Variants in CACNA1E observed in about 807,000 individuals in gnomAD.
CACNA1E encodes calcium voltage-gated channel subunit alpha1 E, also known as voltage-dependent R-type calcium channel subunit alpha-1E.
Under a neutral mutation model 259.2 loss-of-function variants are expected in CACNA1E, and 40 were observed. The ratio of observed to expected loss-of-function variants is 0.15; its 90% CI spans 0.12 to 0.20. The LOEUF is 0.20. CACNA1E is among the 10% of genes least tolerant of loss of function. CACNA1E has a pLI of 1.00. For synonymous variants in CACNA1E, 1,104 were observed against 1,138.5 expected (o/e 0.97, Z 0.61); for missense variants, 1,874 against 3,040.1 (o/e 0.62, Z 9.02).
chr1:181,653,311 T>C (rs1558230720), intron 7 of CACNA1E, among the ~76,000 whole-genome samples: 1 of 152,024 alleles, frequency 6.6e-6, no homozygotes, highest in Non-Finnish European at 1.5e-5. Flanking sequence ...AATTGAATCA[T>C]GGAGGTGGGT....
intron 7 of CACNA1E, among the ~76,000 whole-genome samples, chr1:181,710,575 AT>A (rs139709489): frequency 0.13 from 19,672 of 152,240 alleles, 1,350 homozygotes; most frequent in Admixed American, 0.19. Flanking sequence ...GTTAATCACT[AT>A]TGTTATCAAA....
At chr1:181,663,331 G>T (rs1296969064) in intron 7 of CACNA1E, among the ~76,000 whole-genome samples, 1 of 152,192 alleles carries the variant, frequency 6.6e-6, no homozygotes, top group Non-Finnish European at 1.5e-5. Flanking sequence ...GAGTGGCTAA[G>T]AGTCTTGCCT....
intron 21 of CACNA1E, among the ~76,000 whole-genome samples, chr1:181,735,418 G>T (rs964126029): frequency 6.6e-6 from 1 of 152,208 alleles, no homozygotes; most frequent in Admixed American, 6.5e-5. Flanking sequence ...GACCACCGAG[G>T]TCCACTGCTG....
intron 1 of CACNA1E, among the ~76,000 whole-genome samples, chr1:181,374,491 A>G (rs1654954948): frequency 6.6e-6 from 1 of 150,916 alleles, no homozygotes; most frequent in Admixed American, 6.6e-5. Context: ...GAGACAGGTT[A>G]TTGTTCTGTC....
intron 6 of CACNA1E, among the ~76,000 whole-genome samples, chr1:181,587,935 A>G (rs1288736577): frequency 6.6e-6 from 1 of 152,242 alleles, no homozygotes; most frequent in Non-Finnish European, 1.5e-5. Flanking sequence ...TCTGCTGGAC[A>G]AATTCAGTCT....
chr1:181,457,030 G>C (rs146584523), intron 2 of CACNA1E, among the ~76,000 whole-genome samples: 1 of 152,354 alleles, frequency 6.6e-6, no homozygotes, highest in African/African-American at 2.4e-5. Context: ...GTCTTAGTCT[G>C]TGAGCCTCTA....
chr1:181,497,936 G>A (rs1664909033), intron 1 of CACNA1E, among the ~76,000 whole-genome samples: 1 of 152,184 alleles, frequency 6.6e-6, no homozygotes, highest in Non-Finnish European at 1.5e-5. Flanking sequence ...ATGCGAGCTT[G>A]AGTCGGAATC....
chr1:181,502,870 T>C (rs1403898849), intron 1 of CACNA1E, among the ~76,000 whole-genome samples: 1 of 152,146 alleles, frequency 6.6e-6, no homozygotes, highest in African/African-American at 2.4e-5. Flanking sequence ...GGCTAATTTT[T>C]GTATTAATTG....
At chr1:181,743,188 G>GGA (rs548140015) in intron 25 of CACNA1E, among the ~76,000 whole-genome samples, 329 of 152,306 alleles carry the variant, frequency 2.2e-3, no homozygotes, top group African/African-American at 7.4e-3. Context: ...TGGGCCACAT[G>GGA]GAGACAGAGT....
intron 1 of CACNA1E, among the ~76,000 whole-genome samples, chr1:181,507,366 G>T (rs1002372825): frequency 6.6e-6 from 1 of 152,252 alleles, no homozygotes; most frequent in Admixed American, 6.5e-5. Flanking sequence ...GAGCTAGCCT[G>T]TGTCCCCACA....
chr1:181,406,162 G>A (rs1657447821), intron 1 of CACNA1E, among the ~76,000 whole-genome samples: 1 of 152,306 alleles, frequency 6.6e-6, no homozygotes, highest in East Asian at 1.9e-4. Flanking sequence ...ACTATGTAGA[G>A]CAGAGTCTCT....
At chr1:181,691,003 C>G (rs936718392) in intron 7 of CACNA1E, among the ~76,000 whole-genome samples, 4 of 151,990 alleles carry the variant, frequency 2.6e-5, no homozygotes, top group African/African-American at 9.7e-5. Context: ...ATTGTGCTCA[C>G]TGCATCTATG....
chr1:181,381,744 T>C (rs1655471811), intron 1 of CACNA1E, among the ~76,000 whole-genome samples: 1 of 152,232 alleles, frequency 6.6e-6, no homozygotes. Context: ...AAGGAATTAA[T>C]TACATATAAC....
chr1:181,776,903 T>G lies in CACNA1E; in HGVS notation c.5267+675T>G. ...CAAAATTCAGCCCATTGTCTGTTTT[T>G]GCAAATAAAGTTTTATTGAAAGACA... On this transcript the variant is annotated intron_variant, in intron 38 of 47. Transcript: ENST00000367573. The surrounding 1 kb of genome is among the most constrained non-coding windows in gnomAD (Gnocchi z 4.4). Among the ~76,000 whole-genome samples the G allele has an allele frequency of 6.6e-6, 1 of 152,252 alleles. No individual in the cohort carries two copies. The highest frequency in any genetic ancestry group is 1.9e-4 in the East Asian group (1 of 5,196).
intron 47 of CACNA1E, among the ~76,000 whole-genome samples, chr1:181,797,196 G>T (rs538945801): frequency 5.3e-5 from 8 of 152,306 alleles, no homozygotes; most frequent in African/African-American, 1.9e-4. Flanking sequence ...TGGCCATCTT[G>T]TGATCCTCAG....
chr1:181,550,301 G>T (rs1258347260), intron 3 of CACNA1E, among the ~76,000 whole-genome samples: 1 of 152,126 alleles, frequency 6.6e-6, no homozygotes, highest in African/African-American at 2.4e-5. Context: ...GATGAGGGTG[G>T]CTCTGGCTTT....
At chr1:181,688,040 A>AAT (rs1044414952) in intron 7 of CACNA1E, among the ~76,000 whole-genome samples, 24 of 152,118 alleles carry the variant, frequency 1.6e-4, no homozygotes, top group East Asian at 3.9e-4. Flanking sequence ...TACACAAAAG[A>AAT]ATATATATAT....
upstream of CACNA1E, chr1:181,483,490 T>G: frequency 8.9e-6 from 3 of 337,728 alleles, no homozygotes; most frequent in Non-Finnish European, 1.1e-5. Context: ...CCCGCTTTTT[T>G]TTTCTTTTTT....
Position 181,716,094 on chromosome 1 carries a change from C to T in CACNA1E, c.1280C>T (p.Ser427Phe), listed in dbSNP as rs1653865272. Residue 427 changes from serine to phenylalanine, a missense_variant, in exon 10 of 48, where the codon TCC (serine) becomes TTC (phenylalanine). This residue lies in a region of CACNA1E where 157 missense variants were observed against 203.5 expected (regional missense o/e 0.77). Transcript: ENST00000367573. ...RSRTEAMTRD[S>F]SDEHCVDISS... ...CGGACAGAGGCCATGACTCGAGACT[C>T]CAGTGATGAGCACTGTGTTGATATC... 1 of 1,572,202 alleles carries T rather than the reference C, an allele frequency of 6.4e-7. No homozygotes were observed. The highest frequency in any genetic ancestry group is 2.3e-5 in the East Asian group (1 of 42,672).
Sources: gnomAD v4.1 joint callset for allele counts (sites outside exome capture counted in the v4.1 genomes callset) on GRCh38, gnomAD v4.1.1 for gene constraint, gnomAD v4.1.1 regional missense constraint, Gnocchi (gnomAD v3.1) non-coding constraint, MANE v1.5 for transcripts, NCBI Gene and HGNC (gene_info 2026-07-23, HGNC 2026-07-21) for gene names.